Variants in PIGU observed in about 807,000 individuals in gnomAD.
PIGU encodes phosphatidylinositol glycan anchor biosynthesis class U.
PIGU carries 24 observed loss-of-function variants against 49.9 expected under a neutral mutation model. That is an observed-to-expected ratio of 0.48 (90% CI 0.35 to 0.68). The LOEUF (loss-of-function observed/expected upper bound fraction) is 0.68. Ranked by LOEUF, PIGU falls within the 30% of genes least tolerant of loss-of-function variation. The pLI, the probability that PIGU is intolerant of heterozygous loss-of-function variation, is 0.01. For synonymous variants in PIGU, 220 were observed against 205.7 expected (o/e 1.07, Z -0.59); for missense variants, 490 against 532.6 (o/e 0.92, Z 0.79).
rs368547588 is a variant in PIGU, at chr20:34,677,068, G to A, written c.18C>T (p.Val6=). ...CTGTCACAGCCACCACCAGCACCAG[G>A]ACCAAGGGAGCCGCCATGATAACTG... MAAPL[V]LVLVVAVTVR... The change falls in exon 1 of 12, where the codon GTC becomes GTT. Residue 6 remains valine (V), a synonymous_variant. Coordinates refer to ENST00000217446, the MANE Select transcript of PIGU (RefSeq NM_080476.5). 6.4e-6 allele frequency: 10 copies of A among 1,565,834 alleles called. No homozygotes were observed. The highest frequency in any genetic ancestry group is 3.4e-4 in the Middle Eastern group (2 of 5,924).
At chr20:34,582,511 C>T (rs912232452) in intron 9 of PIGU, among the ~76,000 whole-genome samples, 11 of 152,150 alleles carry the variant, frequency 7.2e-5, no homozygotes, top group African/African-American at 2.6e-4. Flanking sequence ...GAAATCTCAT[C>T]TCTACAAAAA....
At chr20:34,676,396 A>G (rs534968185) in intron 1 of PIGU, among the ~76,000 whole-genome samples, 2 of 152,344 alleles carry the variant, frequency 1.3e-5, no homozygotes, top group African/African-American at 4.8e-5. Context: ...TTCTCGCTGT[A>G]GGCGTTAGTA....
At chr20:34,634,303 C>A (rs1179153451) in intron 6 of PIGU, among the ~76,000 whole-genome samples, 1 of 152,056 alleles carries the variant, frequency 6.6e-6, no homozygotes, top group Non-Finnish European at 1.5e-5. Context: ...ATCTTCTGGG[C>A]TCAAGTGATC....
At chr20:34,609,121 AAACC>A (rs919801360) in intron 7 of PIGU, among the ~76,000 whole-genome samples, 5 of 152,040 alleles carry the variant, frequency 3.3e-5, no homozygotes, top group South Asian at 2.1e-4. Context: ...CTCTAAAAAA[AAACC>A]AACCAACCAA....
intron 7 of PIGU, among the ~76,000 whole-genome samples, chr20:34,589,254 C>G (rs1049088465): frequency 6.6e-6 from 1 of 152,002 alleles, no homozygotes; most frequent in Non-Finnish European, 1.5e-5. Context: ...ACCTAAGAAA[C>G]TTCATATAAC....
intron 5 of PIGU, 77 bp downstream of exon 5, chr20:34,637,799 C>T (rs1986013481): frequency 8.2e-6 from 13 of 1,583,896 alleles, no homozygotes; most frequent in South Asian, 3.5e-5. Context: ...AAAAATACAA[C>T]AAACAACATG....
chr20:34,560,767 G>T lies in PIGU; in HGVS notation c.*99C>A. The T allele has an allele frequency of 1.1e-6, 1 of 870,960 alleles. No individual in the cohort carries two copies. The highest frequency in any genetic ancestry group is 1.7e-6 in the Non-Finnish European group (1 of 594,150). 54.0% of individuals were successfully genotyped at this position (870,960 alleles called of 1,614,324 possible). A position where few individuals can be genotyped will look rare whatever the true frequency, so the allele number is the denominator to read the frequency against. On this transcript the variant is annotated 3_prime_UTR_variant, in exon 12 of 12. Coordinates refer to ENST00000217446, the MANE Select transcript of PIGU (RefSeq NM_080476.5). ...GTGACCCTGGACTCGAACCTCTTCT[G>T]CCCAAGCACTCGCCTGCTGGCAACT...
At chr20:34,640,503 A>G (rs1021625788) in intron 4 of PIGU, among the ~76,000 whole-genome samples, 5 of 92,802 alleles carry the variant, frequency 5.4e-5, no homozygotes, top group East Asian at 3.2e-4. Flanking sequence ...GCACGCGCAC[A>G]CACACACACA....
intron 6 of PIGU, among the ~76,000 whole-genome samples, chr20:34,617,265 C>G (rs1327831175): frequency 6.6e-6 from 1 of 152,186 alleles, no homozygotes; most frequent in African/African-American, 2.4e-5. Context: ...GATCCACCGA[C>G]AGCTTGCACC....
At chr20:34,567,134 G>A (rs1600583761) in intron 11 of PIGU, among the ~76,000 whole-genome samples, 1 of 152,220 alleles carries the variant, frequency 6.6e-6, no homozygotes, top group African/African-American at 2.4e-5. Context: ...GAATGCATGT[G>A]GCCGTCACAG....
chr20:34,614,043 C>A (rs895616976), intron 7 of PIGU, among the ~76,000 whole-genome samples: 9 of 152,194 alleles, frequency 5.9e-5, no homozygotes, highest in African/African-American at 2.2e-4. Flanking sequence ...CACCTGTAAT[C>A]CCAGCACTTT....
At chr20:34,561,228 T>A (rs576737614) in intron 11 of PIGU, among the ~76,000 whole-genome samples, 1 of 152,302 alleles carries the variant, frequency 6.6e-6, no homozygotes, top group East Asian at 1.9e-4. Flanking sequence ...TCCCAGGCTC[T>A]GGCCTCGAAT....
In PIGU at chr20:34,637,986, CT is replaced by C; in HGVS notation, c.319-2del. 1 of 1,525,144 alleles carries C rather than the reference CT, an allele frequency of 6.6e-7. No individual in the cohort carries two copies. Among genetic ancestry groups the C allele is most frequent in the Non-Finnish European group, 8.7e-7 (1 of 1,145,408 alleles). The allele number at this position is 1,525,144 out of a possible 1,614,324, so 94.5% of individuals were successfully genotyped here. On this transcript the variant is annotated splice_acceptor_variant, in intron 4 of 11. Transcript: ENST00000217446. LOFTEE classifies it high-confidence loss of function. The stretch of plus-strand genomic sequence containing the variant: ...CTAGGAGGAGTTTCTGCTTTTTAAA[CT>C]AGAAAAAAAAAAAAAAGGAAAAGAT...
At chr20:34,573,335 A>T (rs1249824031) in intron 11 of PIGU, among the ~76,000 whole-genome samples, 1 of 152,172 alleles carries the variant, frequency 6.6e-6, no homozygotes, top group Non-Finnish European at 1.5e-5. Flanking sequence ...TTTGGTTTCC[A>T]TCCCTAACCC....
intron 7 of PIGU, among the ~76,000 whole-genome samples, chr20:34,591,627 GAA>G (rs1320807443): frequency 6.6e-6 from 1 of 152,010 alleles, no homozygotes; most frequent in Non-Finnish European, 1.5e-5. Context: ...AAATAAATTA[GAA>G]AAAAACTTGC....
At chr20:34,576,407 A>G (rs1983236661) in intron 10 of PIGU, among the ~76,000 whole-genome samples, 1 of 152,106 alleles carries the variant, frequency 6.6e-6, no homozygotes, top group African/African-American at 2.4e-5. Context: ...TTATTATTAA[A>G]CAGTTCTGGA....
intron 1 of PIGU, among the ~76,000 whole-genome samples, chr20:34,673,673 C>G (rs1987385039): frequency 6.6e-6 from 1 of 152,170 alleles, no homozygotes. Flanking sequence ...TTTTGGCTTT[C>G]ATTATTGTGT....
At chr20:34,627,387 AT>A (rs1286646219) in intron 6 of PIGU, among the ~76,000 whole-genome samples, 5 of 152,300 alleles carry the variant, frequency 3.3e-5, no homozygotes, top group Admixed American at 2.0e-4. Flanking sequence ...AAACAAAATT[AT>A]GTATATAACA....
intron 2 of PIGU, among the ~76,000 whole-genome samples, chr20:34,655,568 G>A (rs1600664452): frequency 8.2e-6 from 1 of 121,228 alleles, no homozygotes; most frequent in Admixed American, 1.1e-4. Context: ...CAGCTACTCC[G>A]GAGGCTGAGG....
Sources: allele counts gnomAD v4.1 joint callset (sites outside exome capture counted in the v4.1 genomes callset), GRCh38; gene constraint gnomAD v4.1.1; transcripts MANE v1.5; gene names NCBI Gene and HGNC (gene_info 2026-07-23, HGNC 2026-07-21).